The following CCSER1 variants were observed in gnomAD, a reference collection of about 807,000 sequenced individuals.
CCSER1 encodes coiled-coil serine rich protein 1.
Under a neutral mutation model 82.0 loss-of-function variants are expected in CCSER1, and 41 were observed. That is an observed-to-expected ratio of 0.50 (90% CI 0.39 to 0.65). CCSER1 has a LOEUF of 0.65. Ranked by LOEUF, CCSER1 falls within the 30% of genes least tolerant of loss-of-function variation. The pLI is 0.00. For missense variants in CCSER1, 1,119 were observed against 1,064.2 expected, an observed-to-expected ratio of 1.05 and a Z score of -0.72; for synonymous variants, 414 against 383.9, an observed-to-expected ratio of 1.08 and a Z score of -0.92.
At chr4:91,068,091 C>T (rs1207831685) in intron 9 of CCSER1, among the ~76,000 whole-genome samples, 1 of 152,150 alleles carries the variant, frequency 6.6e-6, no homozygotes, top group African/African-American at 2.4e-5. Context: ...ATATTTAAAG[C>T]ATCACCTGAC....
rs536429844 is a variant in CCSER1, at chr4:91,292,383, GT to G, written c.2217+206397del. 5.2e-4 allele frequency among the ~76,000 whole-genome samples: 79 copies of G among 151,634 alleles called. No homozygotes were observed. In the East Asian group the frequency reaches 0.011, roughly 20 times the overall value. On this transcript the variant is annotated intron_variant, in intron 10 of 10. Coordinates refer to ENST00000509176, the MANE Select transcript of CCSER1 (RefSeq NM_001145065.2). ...AATTTTTATTAAAATTCAGGGTTCT[GT>G]TTTTTTTAAGTTGTCCAAAATTATG...
At chr4:90,152,881 T>A (rs573589206) in intron 1 of CCSER1, among the ~76,000 whole-genome samples, 14 of 151,512 alleles carry the variant, frequency 9.2e-5, no homozygotes, top group East Asian at 7.8e-4. Flanking sequence ...TTTTTTTTTT[T>A]AATTTTATTT....
chr4:90,712,346 T>G (rs1740777551), intron 6 of CCSER1, among the ~76,000 whole-genome samples: 1 of 152,108 alleles, frequency 6.6e-6, no homozygotes, highest in East Asian at 1.9e-4. Flanking sequence ...TGTTGTATCC[T>G]TGTTCTCATT....
chr4:90,664,215 CTTCG>C (rs1731318025), intron 6 of CCSER1, among the ~76,000 whole-genome samples: 1 of 152,054 alleles, frequency 6.6e-6, no homozygotes, highest in Non-Finnish European at 1.5e-5. Flanking sequence ...TTTCTATGTG[CTTCG>C]TTATTTACTA....
Position 91,598,776 on chromosome 4 carries a change from G to A in CCSER1, c.2422G>A (p.Gly808Arg). The change falls in exon 11 of 11, where the codon GGA becomes AGA. Residue 808 changes from glycine (G) to arginine (R), a missense_variant. Coordinates refer to ENST00000509176, the MANE Select transcript of CCSER1 (RefSeq NM_001145065.2). ...AGCAGAAGTTATCAAACATTCAAGA[G>A]GAACTTATGAAACCCTCACTTCAGA... ...ELAEVIKHSR[G>R]TYETLTSDVT... 1 of 1,551,618 alleles carries A rather than the reference G, an allele frequency of 6.4e-7. No homozygotes were observed. The highest frequency in any genetic ancestry group is 1.4e-5 in the African/African-American group (1 of 73,160).
chr4:90,701,338 T>G (rs1738073660), intron 6 of CCSER1, among the ~76,000 whole-genome samples: 1 of 152,208 alleles, frequency 6.6e-6, no homozygotes, highest in Admixed American at 6.5e-5. Flanking sequence ...GTTCCATTAG[T>G]CTGGATCTCT....
intron 6 of CCSER1, among the ~76,000 whole-genome samples, chr4:90,722,432 G>A (rs56172350): frequency 0.051 from 7,819 of 151,842 alleles, 464 homozygotes; most frequent in African/African-American, 0.14. Context: ...AGGTAAATTA[G>A]TTAGCAATAC....
At chr4:90,252,800 C>T (rs1578763568) in intron 1 of CCSER1, among the ~76,000 whole-genome samples, 3 of 151,744 alleles carry the variant, frequency 2.0e-5, no homozygotes, top group Admixed American at 2.0e-4. Context: ...TTCATTTTTT[C>T]AATTGTTCAA....
chr4:90,157,474 A>C (rs1404959488), intron 1 of CCSER1, among the ~76,000 whole-genome samples: 1 of 152,156 alleles, frequency 6.6e-6, no homozygotes, highest in Non-Finnish European at 1.5e-5. Context: ...AGTGTTTTCT[A>C]ACTTGGTTCC....
At chr4:90,158,204 G>T (rs539819668) in intron 1 of CCSER1, among the ~76,000 whole-genome samples, 2 of 152,120 alleles carry the variant, frequency 1.3e-5, no homozygotes, top group African/African-American at 4.8e-5. Context: ...TTCGTGAACC[G>T]CAAATGCTGC....
intron 8 of CCSER1, among the ~76,000 whole-genome samples, chr4:90,913,691 C>A (rs1726805846): frequency 1.3e-5 from 2 of 152,062 alleles, no homozygotes; most frequent in Admixed American, 1.3e-4. Flanking sequence ...AAAGACACAG[C>A]CTGGCAAATT....
chr4:91,323,967 G>A (rs1264983564), intron 10 of CCSER1, among the ~76,000 whole-genome samples: 7 of 152,176 alleles, frequency 4.6e-5, no homozygotes, highest in Admixed American at 4.6e-4. Context: ...CCGTCATTAT[G>A]TAGTGGACTT....
intron 10 of CCSER1, among the ~76,000 whole-genome samples, chr4:91,598,122 ATGATAC>A (rs1764667011): frequency 6.6e-6 from 1 of 152,176 alleles, no homozygotes. Flanking sequence ...GATACAAATC[ATGATAC>A]TGATAATTCT....
At chr4:91,573,714 G>GATTAGTCCCAATGCA (rs1183088476) in intron 10 of CCSER1, among the ~76,000 whole-genome samples, 2 of 152,078 alleles carry the variant, frequency 1.3e-5, no homozygotes, top group African/African-American at 4.8e-5. Context: ...TTGTTTCCTT[G>GATTAGTCCCAATGCA]ATTAGTCCCA....
intron 10 of CCSER1, among the ~76,000 whole-genome samples, chr4:91,150,874 G>A (rs541451342): frequency 1.3e-5 from 2 of 152,138 alleles, no homozygotes; most frequent in Non-Finnish European, 1.5e-5. Flanking sequence ...TGATTTGCCA[G>A]TATTTTATTG....
intron 4 of CCSER1, among the ~76,000 whole-genome samples, chr4:90,432,796 C>A (rs1013910601): frequency 6.6e-6 from 1 of 152,090 alleles, no homozygotes; most frequent in African/African-American, 2.4e-5. Context: ...CAACAATGAA[C>A]ATTAAAAACC....
At chr4:90,381,451 A>G (rs1749195945) in intron 3 of CCSER1, among the ~76,000 whole-genome samples, 1 of 152,176 alleles carries the variant, frequency 6.6e-6, no homozygotes, top group South Asian at 2.1e-4. Flanking sequence ...CAAAAGGCTG[A>G]ATACATATAT....
At chr4:91,144,482 T>G (rs1729356844) in intron 10 of CCSER1, among the ~76,000 whole-genome samples, 1 of 152,032 alleles carries the variant, frequency 6.6e-6, no homozygotes, top group Non-Finnish European at 1.5e-5. Context: ...GGATTTTAGT[T>G]ATTTATTTTC....
At chr4:91,071,174 A>T (rs1171413143) in intron 9 of CCSER1, among the ~76,000 whole-genome samples, 1 of 152,218 alleles carries the variant, frequency 6.6e-6, no homozygotes. Flanking sequence ...TCATGCACCA[A>T]GCACTGTTTG....
Sources: allele counts gnomAD v4.1 joint callset (sites outside exome capture counted in the v4.1 genomes callset), GRCh38; gene constraint gnomAD v4.1.1; transcripts MANE v1.5; gene names NCBI Gene and HGNC (gene_info 2026-07-23, HGNC 2026-07-21).